NPNT: variants seen among roughly 807,000 people sequenced by gnomAD.
The protein encoded by NPNT is preosteoblast EGF-like repeat protein with MAM domain.
Under a neutral mutation model 68.6 loss-of-function variants are expected in NPNT, and 45 were observed. The ratio of observed to expected loss-of-function variants is 0.66; its 90% CI spans 0.52 to 0.84. The LOEUF is 0.84. Among genes scored for constraint, NPNT ranks in the 40% least tolerant of loss-of-function variants. NPNT has a pLI of 0.00. For missense variants in NPNT, 672 were observed against 714.8 expected, an observed-to-expected ratio of 0.94 and a Z score of 0.68; for synonymous variants, 233 against 253.3, an observed-to-expected ratio of 0.92 and a Z score of 0.76.
Position 105,970,737 on chromosome 4 carries a change from G to A in NPNT, c.*1747G>A, listed in dbSNP as rs11735326. On this transcript the variant is annotated 3_prime_UTR_variant, in exon 12 of 12. Coordinates refer to ENST00000379987, the MANE Select transcript of NPNT (RefSeq NM_001033047.3). ...GATGGTTAAAGATGTTCTTACCCAA[G>A]GAAAAGTAACAAATTATAGAATTTC... The A allele has an allele frequency of 0.023, 9,064 of 390,372 alleles. 363 individuals carry two copies. Among genetic ancestry groups the A allele is most frequent in the African/African-American group, 0.12 (5,799 of 48,832 alleles). 24.2% of individuals were successfully genotyped at this position (390,372 alleles called of 1,614,324 possible).
intron 8 of NPNT, among the ~76,000 whole-genome samples, chr4:105,947,171 C>T (rs190906000): frequency 5.9e-5 from 9 of 152,244 alleles, no homozygotes; most frequent in Non-Finnish European, 1.2e-4. Context: ...TGCCTGATCC[C>T]GCAGGCAGTC....
chr4:105,962,851 ATG>A (rs533801417), intron 10 of NPNT, among the ~76,000 whole-genome samples: 6,553 of 149,402 alleles, frequency 0.044, 316 homozygotes, highest in African/African-American at 0.12. Context: ...GATGGAGTGT[ATG>A]TGTGTGTGTG....
chr4:105,898,328 GTCTCTC>G (rs66945682), intron 2 of NPNT, among the ~76,000 whole-genome samples: 2,977 of 53,858 alleles, frequency 0.055, 29 homozygotes, highest in East Asian at 0.076. Context: ...CTCTCTCTCT[GTCTCTC>G]TCTCTCTCTC....
At chr4:105,966,071 T>C (rs1331139135) in intron 10 of NPNT, among the ~76,000 whole-genome samples, 2 of 152,192 alleles carry the variant, frequency 1.3e-5, no homozygotes, top group Non-Finnish European at 2.9e-5. Context: ...CCTGTATAAA[T>C]TAAGCATAAG....
chr4:105,958,618 A>G lies in NPNT; in HGVS notation c.1246+61A>G, dbSNP rs151168600. The G allele has an allele frequency of 6.9e-4, 676 of 976,810 alleles. 4 individuals are homozygous for G. The African/African-American group carries it at 9.8e-3, about 14-fold the overall frequency. The allele number at this position is 976,810 out of a possible 1,614,324, so 60.5% of individuals were successfully genotyped here. ...TTTTATTGTTTCTCTCCATGAAAAT[A>G]ACTTTTAAATGTAGATCGTTTGGAC... is the stretch of plus-strand genomic sequence containing the variant. On this transcript the variant is annotated intron_variant, in intron 9 of 11. Coordinates refer to ENST00000379987, the MANE Select transcript of NPNT (RefSeq NM_001033047.3).
intron 6 of NPNT, 110 bp downstream of exon 6, chr4:105,940,319 A>T (rs766454138): frequency 8.4e-7 from 1 of 1,191,322 alleles, no homozygotes; most frequent in Non-Finnish European, 1.2e-6. Flanking sequence ...ACTGGCGTTA[A>T]GTTAAACCAA....
intron 8 of NPNT, among the ~76,000 whole-genome samples, chr4:105,943,365 A>G (rs141604583): frequency 1.3e-5 from 2 of 152,352 alleles, no homozygotes; most frequent in African/African-American, 2.4e-5. Flanking sequence ...AGAAGTAGGA[A>G]GCAGTGTAAT....
chr4:105,925,506 C>T (rs1290854557), intron 2 of NPNT, among the ~76,000 whole-genome samples: 1 of 152,072 alleles, frequency 6.6e-6, no homozygotes, highest in East Asian at 1.9e-4. Flanking sequence ...ACATGCACAT[C>T]AGTTTCGCAG....
Position 105,940,452 on chromosome 4 carries a change from T to TA in NPNT, c.641-62_641-61insA. The TA allele has an allele frequency of 5.3e-6, 8 of 1,509,222 alleles. No homozygotes were observed. In the South Asian group the frequency reaches 9.6e-5, roughly 18 times the overall value. 93.5% of individuals were successfully genotyped at this position (1,509,222 alleles called of 1,614,324 possible). ...AAAATCATTTTTGAAACTGTATATA[T>TA]TTTTTATGTCATCATATTTATCTCC... On this transcript the variant is annotated intron_variant, in intron 6 of 11. Coordinates refer to ENST00000379987, the MANE Select transcript of NPNT (RefSeq NM_001033047.3).
chr4:105,897,840 G>A, intron 1 of NPNT, 61 bp from the exon 2 acceptor site: 1 of 1,337,598 alleles, frequency 7.5e-7, no homozygotes, highest in Non-Finnish European at 1.1e-6. Flanking sequence ...TAATAATACA[G>A]AGGAAATTAC....
intron 8 of NPNT, among the ~76,000 whole-genome samples, chr4:105,953,663 G>T (rs576569925): frequency 6.6e-6 from 1 of 152,228 alleles, no homozygotes; most frequent in East Asian, 1.9e-4. Flanking sequence ...TCATCCCTAC[G>T]CTCCAATCTG....
intron 3 of NPNT, among the ~76,000 whole-genome samples, chr4:105,936,247 G>A (rs745893995): frequency 5.6e-4 from 85 of 152,024 alleles, no homozygotes; most frequent in Non-Finnish European, 1.0e-3. Context: ...TTTTAACTGC[G>A]GAATAAATGA....
intron 10 of NPNT, among the ~76,000 whole-genome samples, chr4:105,959,809 C>CTT (rs35297511): frequency 4.0e-4 from 53 of 131,516 alleles, no homozygotes; most frequent in East Asian, 6.6e-4. Context: ...GTAGTTAAAT[C>CTT]TTTTTTTTTT....
intron 8 of NPNT, among the ~76,000 whole-genome samples, chr4:105,952,794 G>A (rs75983503): frequency 9.9e-4 from 150 of 152,284 alleles, no homozygotes; most frequent in African/African-American, 3.5e-3. Context: ...ACCCTAGACG[G>A]TGTTCATGCT....
chr4:105,897,327 G>C (rs1409028109), intron 1 of NPNT, among the ~76,000 whole-genome samples: 2 of 152,156 alleles, frequency 1.3e-5, no homozygotes. Context: ...GTTTTATTTA[G>C]ACTTTTTTCT....
chr4:105,914,638 C>G (rs948508208), intron 2 of NPNT, among the ~76,000 whole-genome samples: 5 of 151,078 alleles, frequency 3.3e-5, no homozygotes, highest in African/African-American at 9.7e-5. Context: ...GGGTAAGAGG[C>G]ATGTTTTAGT....
intron 10 of NPNT, among the ~76,000 whole-genome samples, chr4:105,964,832 C>T (rs1264571029): frequency 6.6e-6 from 1 of 152,096 alleles, no homozygotes; most frequent in Non-Finnish European, 1.5e-5. Flanking sequence ...CTTAAATGTT[C>T]TTCAGTAAGA....
At chr4:105,957,753 A>T (rs1410999991) in intron 8 of NPNT, among the ~76,000 whole-genome samples, 1 of 152,174 alleles carries the variant, frequency 6.6e-6, no homozygotes, top group East Asian at 1.9e-4. Flanking sequence ...CTGGGGCAGA[A>T]TCACTCCACA....
chr4:105,911,940 A>G lies in NPNT; in HGVS notation c.172+13939A>G. 1.2e-5 allele frequency: 5 copies of G among 423,750 alleles called. No individual in the cohort carries two copies. In the South Asian group the frequency reaches 1.5e-4, roughly 12 times the overall value. The allele number at this position is 423,750 out of a possible 1,614,324, so 26.2% of individuals were successfully genotyped here. On this transcript the variant is annotated intron_variant, in intron 2 of 11. Coordinates refer to ENST00000379987, the MANE Select transcript of NPNT (RefSeq NM_001033047.3). ...TGAAATATTTAAATTTAGAATTTGG[A>G]CTATAGAAGAATAGCATAACTTCAA...
Sources: allele counts gnomAD v4.1 joint callset (sites outside exome capture counted in the v4.1 genomes callset), GRCh38; gene constraint gnomAD v4.1.1; transcripts MANE v1.5; gene names NCBI Gene and HGNC (gene_info 2026-07-23, HGNC 2026-07-21).